MAGI2: variants seen among roughly 807,000 people sequenced by gnomAD.
The protein encoded by MAGI2 is membrane associated guanylate kinase, WW and PDZ domain containing 2.
A neutral mutation model predicts 133.3 loss-of-function variants in MAGI2; 35 were observed. The ratio of observed to expected loss-of-function variants is 0.26; its 90% CI spans 0.20 to 0.35. The LOEUF is 0.35. Ranked by LOEUF, MAGI2 falls within the 10% of genes least tolerant of loss-of-function variation. MAGI2 has a pLI of 1.00. For synonymous variants in MAGI2, 729 were observed against 710.6 expected, an observed-to-expected ratio of 1.03 and a Z score of -0.41; for missense variants, 1,636 against 1,863.4, an observed-to-expected ratio of 0.88 and a Z score of 2.25.
chr7:78,841,025 G>C lies in MAGI2; in HGVS notation c.418+166065C>G, dbSNP rs1792101657. The stretch of plus-strand genomic sequence containing the variant: ...ATTTTCAACTTCTCCATCTTCACTG[G>C]CTCTGGCTCTATGCCAGAAAGCATA... On this transcript the variant is annotated intron_variant, in intron 2 of 21. Coordinates refer to ENST00000354212, the MANE Select transcript of MAGI2 (RefSeq NM_012301.4). Among the ~76,000 whole-genome samples the C allele has an allele frequency of 2.0e-5, 3 of 151,814 alleles. No homozygotes were observed. In the South Asian group the frequency reaches 6.2e-4, roughly 32 times the overall value.
chr7:79,437,831 C>A (rs984887345), intron 1 of MAGI2, among the ~76,000 whole-genome samples: 5 of 151,990 alleles, frequency 3.3e-5, no homozygotes, highest in African/African-American at 1.2e-4. Flanking sequence ...AAAATGTTAT[C>A]TTTAGTGTTT....
intron 3 of MAGI2, among the ~76,000 whole-genome samples, chr7:78,527,867 A>G (rs1265075243): frequency 1.3e-5 from 2 of 152,242 alleles, no homozygotes; most frequent in Non-Finnish European, 2.9e-5. Flanking sequence ...TCAAATAACG[A>G]TAGATCCTTC....
intron 1 of MAGI2, among the ~76,000 whole-genome samples, chr7:79,110,731 G>C (rs1818857750): frequency 6.6e-6 from 1 of 152,056 alleles, no homozygotes; most frequent in African/African-American, 2.4e-5. Context: ...GGGGAGCCAG[G>C]GGTGTAATAA....
chr7:78,497,722 T>TTTTA (rs1794221585), intron 5 of MAGI2, among the ~76,000 whole-genome samples: 1 of 97,202 alleles, frequency 1.0e-5, no homozygotes. Flanking sequence ...GAAATAACTA[T>TTTTA]TCTATCTATC....
At chr7:78,504,079 A>G (rs547352943) in intron 4 of MAGI2, among the ~76,000 whole-genome samples, 1 of 152,282 alleles carries the variant, frequency 6.6e-6, no homozygotes, top group East Asian at 1.9e-4. Flanking sequence ...CAGATTCTGG[A>G]AAGAAGAAAA....
chr7:78,691,130 T>G (rs2151122065), intron 2 of MAGI2, among the ~76,000 whole-genome samples: 1 of 152,338 alleles, frequency 6.6e-6, no homozygotes, highest in East Asian at 1.9e-4. Flanking sequence ...AGAATACTTT[T>G]TAACCTGGAT....
At chr7:79,033,107 T>C (rs1345919986) in intron 1 of MAGI2, among the ~76,000 whole-genome samples, 2 of 152,128 alleles carry the variant, frequency 1.3e-5, no homozygotes, top group African/African-American at 4.8e-5. Flanking sequence ...CTGTTCTATC[T>C]ATGGAACTCT....
At chr7:78,956,258 C>T (rs1802371182) in intron 2 of MAGI2, among the ~76,000 whole-genome samples, 2 of 152,076 alleles carry the variant, frequency 1.3e-5, no homozygotes, top group African/African-American at 4.8e-5. Context: ...GTAAGTTTGT[C>T]TCATCATATT....
At chr7:79,388,866 T>C (rs2129148830) in intron 1 of MAGI2, among the ~76,000 whole-genome samples, 1 of 150,284 alleles carries the variant, frequency 6.7e-6, no homozygotes, top group South Asian at 2.1e-4. Context: ...AACACAGTCT[T>C]GACCCAAAGC....
In MAGI2 at chr7:78,271,057, G is replaced by T. The variant is rs932118149; in HGVS notation, c.1409-14476C>A. Among the ~76,000 whole-genome samples, 26 of 152,074 alleles carry T rather than the reference G, an allele frequency of 1.7e-4. 1 individual carries two copies. The highest frequency in any genetic ancestry group is 2.1e-4 in the South Asian group (1 of 4,818). On this transcript the variant is annotated intron_variant, in intron 9 of 21. Transcript: ENST00000354212. ...GTCTTGTGCCAGTTTTCAAAGGGGG[G>T]AATGCTTACAGTTTTTTCCTATATC...
At chr7:78,329,742 T>A (rs984907462) in intron 9 of MAGI2, among the ~76,000 whole-genome samples, 1 of 152,194 alleles carries the variant, frequency 6.6e-6, no homozygotes, top group Non-Finnish European at 1.5e-5. Context: ...AAATGAAGAT[T>A]AGGTTACTGA....
chr7:78,592,541 G>A (rs1804124768), intron 3 of MAGI2, among the ~76,000 whole-genome samples: 1 of 152,070 alleles, frequency 6.6e-6, no homozygotes, highest in Non-Finnish European at 1.5e-5. Flanking sequence ...ATATGATGGA[G>A]CATTTGAAAG....
chr7:79,251,326 C>T (rs1833251334), intron 1 of MAGI2, among the ~76,000 whole-genome samples: 1 of 151,610 alleles, frequency 6.6e-6, no homozygotes, highest in Non-Finnish European at 1.5e-5. Context: ...AGAATATTTG[C>T]AAACTATCCA....
intron 20 of MAGI2, among the ~76,000 whole-genome samples, chr7:78,087,640 A>C (rs1392339257): frequency 2.0e-5 from 3 of 152,216 alleles, no homozygotes; most frequent in Admixed American, 2.0e-4. Flanking sequence ...AAACAAAACA[A>C]AACAAAAACA....
chr7:79,449,739 T>G (rs1278456212), intron 1 of MAGI2, among the ~76,000 whole-genome samples: 1 of 151,924 alleles, frequency 6.6e-6, no homozygotes, highest in Non-Finnish European at 1.5e-5. Flanking sequence ...TAAGCCATAT[T>G]TTAATATGTG....
intron 1 of MAGI2, among the ~76,000 whole-genome samples, chr7:79,316,824 C>T (rs1297810944): frequency 6.6e-6 from 1 of 151,994 alleles, no homozygotes; most frequent in Non-Finnish European, 1.5e-5. Context: ...CACAGTTATC[C>T]TGTGTGGTGA....
At chr7:78,923,188 T>G (rs1799401277) in intron 2 of MAGI2, among the ~76,000 whole-genome samples, 1 of 152,204 alleles carries the variant, frequency 6.6e-6, no homozygotes, top group Admixed American at 6.5e-5. Flanking sequence ...GCAGAAGCTC[T>G]TTAGTTTAAT....
Position 78,640,565 on chromosome 7 carries a change from T to A in MAGI2, c.419-13326A>T, listed in dbSNP as rs542862220. On this transcript the variant is annotated intron_variant, in intron 2 of 21. Coordinates refer to ENST00000354212, the MANE Select transcript of MAGI2 (RefSeq NM_012301.4). Reference sequence around the variant, plus strand: ...TAAATCTTTACCTCCTTTAGAGAGATCAAGACAACACACTTATTTGCCAGG... The same window carrying A: ...TAAATCTTTACCTCCTTTAGAGAGAACAAGACAACACACTTATTTGCCAGG... Among the ~76,000 whole-genome samples the A allele has an allele frequency of 7.2e-5, 11 of 152,220 alleles. No individual in the cohort carries two copies. The South Asian group carries it at 2.1e-3, about 29-fold the overall frequency.
intron 6 of MAGI2, among the ~76,000 whole-genome samples, chr7:78,482,580 A>T (rs1239564579): frequency 6.6e-6 from 1 of 151,986 alleles, no homozygotes; most frequent in African/African-American, 2.4e-5. Context: ...TGCAATAAAA[A>T]GTAGCAAACT....
Sources: allele counts gnomAD v4.1 joint callset (sites outside exome capture counted in the v4.1 genomes callset), GRCh38; gene constraint gnomAD v4.1.1; transcripts MANE v1.5; gene names NCBI Gene and HGNC (gene_info 2026-07-23, HGNC 2026-07-21).